DNMT1: variants seen among roughly 807,000 people sequenced by gnomAD.
DNMT1 encodes the protein DNA methyltransferase 1, also known as DNA (cytosine-5)-methyltransferase 1.
A neutral mutation model predicts 205.3 loss-of-function variants in DNMT1; 24 were observed. The ratio of observed to expected loss-of-function variants is 0.12; its 90% CI spans 0.08 to 0.16. The LOEUF is 0.16. Ranked by LOEUF, DNMT1 falls within the 10% of genes least tolerant of loss-of-function variation. The pLI, the probability that DNMT1 is intolerant of heterozygous loss-of-function variation, is 1.00. For synonymous variants in DNMT1, 817 were observed against 839.8 expected (o/e 0.97, Z 0.47); for missense variants, 1,293 against 2,177.7 (o/e 0.59, Z 8.09).
chr19:10,182,135 TG>T lies in DNMT1; in HGVS notation c.81-59del. ...CACTTGTTAAGCAACTTCATTTGCCTGTAAGAATATCACAGTTCTAAAGAAG... is the reference window on the plus strand; with the variant it reads ...CACTTGTTAAGCAACTTCATTTGCCTTAAGAATATCACAGTTCTAAAGAAG... On this transcript the variant is annotated intron_variant, in intron 1 of 40. Coordinates refer to ENST00000359526, the MANE Select transcript of DNMT1 (RefSeq NM_001130823.3). 3.3e-6 allele frequency: 5 copies of T among 1,537,648 alleles called. No homozygotes were observed. The South Asian group carries it at 4.5e-5, about 14-fold the overall frequency.
At chr19:10,153,224 G>GTGCC (rs994746864) in intron 22 of DNMT1, among the ~76,000 whole-genome samples, 4 of 152,038 alleles carry the variant, frequency 2.6e-5, no homozygotes, top group African/African-American at 7.2e-5. Flanking sequence ...TACTGAAGAG[G>GTGCC]TGCCTATCAT....
rs2145300091 is a variant in DNMT1, at chr19:10,151,938, T to G, written c.2020-91A>C. The G allele has an allele frequency of 3.2e-6, 4 of 1,261,764 alleles. No individual in the cohort carries two copies. In the East Asian group the frequency reaches 9.3e-5, roughly 29 times the overall value. The allele number at this position is 1,261,764 out of a possible 1,614,324, so 78.2% of individuals were successfully genotyped here. A position where few individuals can be genotyped will look rare whatever the true frequency, so the allele number is the denominator to read the frequency against. On this transcript the variant is annotated intron_variant, in intron 22 of 40. Transcript: ENST00000359526. This position sits in a 1 kb window ranked among gnomAD's most constrained non-coding sequence, Gnocchi z 5.0. Reference sequence around the variant, plus strand: ...ATTTCAGAAGGCCGAGGCAGGCAGATCACTTAAGGTCAGGAATTGCAGACC... The same window carrying G: ...ATTTCAGAAGGCCGAGGCAGGCAGAGCACTTAAGGTCAGGAATTGCAGACC...
At chr19:10,152,175 AAAAAAAAAAAAAAAGG>A in intron 22 of DNMT1, among the ~76,000 whole-genome samples, 1 of 148,992 alleles carries the variant, frequency 6.7e-6, no homozygotes, top group Non-Finnish European at 1.5e-5. Context: ...AAAAAAAAAA[AAAAAAAAAAAAAAAGG>A]AAAAAAAAAG....
intron 1 of DNMT1, among the ~76,000 whole-genome samples, chr19:10,183,775 G>A (rs968418595): frequency 1.3e-5 from 2 of 152,172 alleles, no homozygotes; most frequent in Non-Finnish European, 1.5e-5. Context: ...AACTTGGGAG[G>A]CTGAGGCAGG....
chr19:10,162,897 C>CG (rs1599375919), intron 12 of DNMT1, 149 bp from the exon 13 acceptor site: 8 of 824,058 alleles, frequency 9.7e-6, no homozygotes, highest in Non-Finnish European at 1.6e-5. Flanking sequence ...CTTGTCATCC[C>CG]GAGACGAGGC....
chr19:10,175,186 T>A (rs1158683361), intron 7 of DNMT1, among the ~76,000 whole-genome samples: 1 of 151,686 alleles, frequency 6.6e-6, no homozygotes, highest in African/African-American at 2.4e-5. Context: ...TGACATCATT[T>A]CTCCCCTGGA....
chr19:10,165,358 C>T (rs1198276696), intron 11 of DNMT1, among the ~76,000 whole-genome samples: 1 of 152,294 alleles, frequency 6.6e-6, no homozygotes, highest in East Asian at 1.9e-4. Flanking sequence ...GAACAGCCAA[C>T]AATCCTTGTT....
chr19:10,180,421 G>A lies in DNMT1; in HGVS notation c.374C>T (p.Ala125Val), dbSNP rs2039023989. 1.9e-6 allele frequency: 3 copies of A among 1,613,922 alleles called. No homozygotes were observed. Among genetic ancestry groups the A allele is most frequent in the Non-Finnish European group, 2.5e-6 (3 of 1,180,038 alleles). The change falls in exon 4 of 41, where the codon GCC becomes GTC. Residue 125 changes from alanine (A) to valine (V), a missense_variant. Ala to Val is a moderately conservative substitution (Grantham distance 64). Transcript: ENST00000359526. ...GGAAAGGGGTTTGGGGGGGCTGTTG[G>A]CATCTGCCATTCCCACTCTACGGGC... ...SEARRVGMAD[A>V]NSPPKPLSKP...
At position 10,156,808 on chromosome 19, in the gene DNMT1, G is replaced by A. The variant is rs2038466191; in HGVS notation, c.1281-299C>T. Among the ~76,000 whole-genome samples, 1 of 151,946 alleles carries A rather than the reference G, an allele frequency of 6.6e-6. No individual in the cohort carries two copies. Among genetic ancestry groups the A allele is most frequent in the Admixed American group, 6.6e-5 (1 of 15,238 alleles). ...AATTGTTGTATTTTTAGTAGGGACG[G>A]GGTTTCACTATGTGTAGCAGGCTGG... On this transcript the variant is annotated intron_variant, in intron 17 of 40. Transcript: ENST00000359526. The surrounding 1 kb of genome is among the most constrained non-coding windows in gnomAD (Gnocchi z 4.2).
At chr19:10,158,592 A>G (rs1232834366) in intron 17 of DNMT1, among the ~76,000 whole-genome samples, 1 of 152,164 alleles carries the variant, frequency 6.6e-6, no homozygotes, top group Non-Finnish European at 1.5e-5. Context: ...CCGCAGGGAG[A>G]GGGAGCAAAA....
intron 6 of DNMT1, 116 bp from the exon 7 acceptor site, chr19:10,175,734 C>T: frequency 1.0e-6 from 1 of 995,554 alleles, no homozygotes; most frequent in Non-Finnish European, 1.6e-6. Context: ...TAATGTTTCT[C>T]TGAATGACGG....
At chr19:10,134,381 C>T (rs2089436181) in intron 39 of DNMT1, 74 bp from the exon 40 acceptor site, 9 of 1,419,280 alleles carry the variant, frequency 6.3e-6, no homozygotes, top group Non-Finnish European at 7.9e-6. Flanking sequence ...GTACTGCCAG[C>T]CCCTGCTCAG....
rs1568221627 is a variant in DNMT1, at chr19:10,138,721, G to A, written c.3949-116C>T. 16 of 1,339,968 alleles carry A rather than the reference G, an allele frequency of 1.2e-5. No individual in the cohort carries two copies. The highest frequency in any genetic ancestry group is 5.2e-4 in the Middle Eastern group (2 of 3,848). 83.0% of individuals were successfully genotyped at this position (1,339,968 alleles called of 1,614,324 possible). The stretch of plus-strand genomic sequence containing the variant: ...CGGGAGTGGCTGGCCAATGCGGAGT[G>A]CACTTGCAGAAATCCCCAGTTACCT... On this transcript the variant is annotated intron_variant, in intron 34 of 40. Transcript: ENST00000359526. This position sits in a 1 kb window ranked among gnomAD's most constrained non-coding sequence, Gnocchi z 4.1.
chr19:10,177,340 G>C lies in DNMT1; in HGVS notation c.521C>G (p.Thr174Arg). 1 of 1,612,842 alleles carries C rather than the reference G, an allele frequency of 6.2e-7. No homozygotes were observed. Among genetic ancestry groups the C allele is most frequent in the South Asian group, 1.1e-5 (1 of 91,054 alleles). ...RAEPSPSPRI[T>R]RKSTRQTTIT... Reference sequence around the variant, plus strand: ...GGTGGTTTGCCTGGTGCTTTTCCTTGTAATCCTGGGGCTAGGTGAAGGTTC... The same window carrying C: ...GGTGGTTTGCCTGGTGCTTTTCCTTCTAATCCTGGGGCTAGGTGAAGGTTC... Residue 174 changes from threonine to arginine, a missense_variant, in exon 6 of 41, where the codon ACA becomes AGA. Physicochemically the swap from Thr to Arg is moderately conservative, Grantham distance 71. Transcript: ENST00000359526.
rs914851305 is a variant in DNMT1 at position 10,140,472 on chromosome 19, C to T, written c.3524-144G>A. 1.0e-5 allele frequency: 13 copies of T among 1,245,058 alleles called. No individual in the cohort carries two copies. The highest frequency in any genetic ancestry group is 2.7e-4 in the Middle Eastern group (1 of 3,760). 77.1% of individuals were successfully genotyped at this position (1,245,058 alleles called of 1,614,324 possible). A position where few individuals can be genotyped will look rare whatever the true frequency, so the allele number is the denominator to read the frequency against. The stretch of plus-strand genomic sequence containing the variant: ...GCAAGCTCTGCCTCCCAGGTTCAAG[C>T]GATTCTCCCACCTCAGCCTCCTGAG... On this transcript the variant is annotated intron_variant, in intron 32 of 40. Coordinates refer to ENST00000359526, the MANE Select transcript of DNMT1 (RefSeq NM_001130823.3). This position sits in a 1 kb window ranked among gnomAD's most constrained non-coding sequence, Gnocchi z 8.4.
intron 5 of DNMT1, among the ~76,000 whole-genome samples, chr19:10,178,897 C>T (rs904454217): frequency 5.9e-5 from 9 of 151,870 alleles, no homozygotes; most frequent in African/African-American, 2.2e-4. Context: ...GAGGCCGAGG[C>T]GGGCGGATCA....
intron 13 of DNMT1, among the ~76,000 whole-genome samples, chr19:10,160,716 G>A (rs1434532545): frequency 6.6e-6 from 1 of 151,958 alleles, no homozygotes; most frequent in Non-Finnish European, 1.5e-5. Context: ...CCAACATGGC[G>A]AAATCACGTC....
At position 10,137,298 on chromosome 19, in the gene DNMT1, G is replaced by A. The variant is rs750474625; in HGVS notation, c.4294-18C>T. ...CTCATGTCCTGAAAGAGTGTGGGGG[G>A]CCCAGCTGTCACCTCATGTGAGCAG... On this transcript the variant is annotated intron_variant, in intron 36 of 40. Coordinates refer to ENST00000359526, the MANE Select transcript of DNMT1 (RefSeq NM_001130823.3). The surrounding 1 kb of genome is among the most constrained non-coding windows in gnomAD (Gnocchi z 6.4). 8.2e-6 allele frequency: 13 copies of A among 1,591,364 alleles called. No individual in the cohort carries two copies. Among genetic ancestry groups the A allele is most frequent in the Non-Finnish European group, 1.7e-6 (2 of 1,170,846 alleles).
At chr19:10,193,831 C>A (rs1039003006) in intron 1 of DNMT1, among the ~76,000 whole-genome samples, 1 of 152,076 alleles carries the variant, frequency 6.6e-6, no homozygotes, top group African/African-American at 2.4e-5. Context: ...CTGGAAGTGT[C>A]CACGCCTGGT....
Sources: gnomAD v4.1 joint callset for allele counts (sites outside exome capture counted in the v4.1 genomes callset) on GRCh38, gnomAD v4.1.1 for gene constraint, Gnocchi (gnomAD v3.1) non-coding constraint, MANE v1.5 for transcripts, NCBI Gene and HGNC (gene_info 2026-07-23, HGNC 2026-07-21) for gene names.